Variants in NTM observed in about 807,000 individuals in gnomAD.
The protein encoded by NTM is IgLON family member 2.
NTM carries 13 observed loss-of-function variants against 42.1 expected under a neutral mutation model. The ratio of observed to expected loss-of-function variants is 0.31; its 90% CI spans 0.20 to 0.49. The LOEUF (loss-of-function observed/expected upper bound fraction) is 0.49. Ranked by LOEUF, NTM falls within the 20% of genes least tolerant of loss-of-function variation. The pLI, the probability that NTM is intolerant of heterozygous loss-of-function variation, is 0.99. For synonymous variants in NTM, 187 were observed against 179.2 expected (o/e 1.04, Z -0.35); for missense variants, 373 against 452.8 (o/e 0.82, Z 1.60).
chr11:131,880,112 G>A (rs763943774), intron 1 of NTM, among the ~76,000 whole-genome samples: 14 of 152,164 alleles, frequency 9.2e-5, no homozygotes, highest in Non-Finnish European at 1.6e-4. Context: ...ACACACATGT[G>A]CACACAGCCA....
At chr11:131,653,107 C>T (rs771308509) in intron 1 of NTM, among the ~76,000 whole-genome samples, 1 of 152,240 alleles carries the variant, frequency 6.6e-6, no homozygotes, top group Non-Finnish European at 1.5e-5. Flanking sequence ...ACCAGGTTCC[C>T]ATGGGTGTGC....
intron 1 of NTM, chr11:131,911,096 A>C: frequency 8.7e-7 from 1 of 1,145,770 alleles, no homozygotes; most frequent in Non-Finnish European, 1.1e-6. Flanking sequence ...CCCTTCTGGT[A>C]CCAAAGTGCT....
At chr11:131,818,278 C>T (rs73579945) in intron 1 of NTM, among the ~76,000 whole-genome samples, 22,522 of 152,130 alleles carry the variant, frequency 0.15, 2,849 homozygotes, top group African/African-American at 0.35. Context: ...GACTCGCTCC[C>T]ATTGACTTTG....
intron 1 of NTM, among the ~76,000 whole-genome samples, chr11:131,809,134 G>C (rs1222873340): frequency 6.6e-6 from 1 of 152,188 alleles, no homozygotes; most frequent in East Asian, 1.9e-4. Flanking sequence ...AGATACTAAT[G>C]GATGGACTGA....
intron 1 of NTM, among the ~76,000 whole-genome samples, chr11:131,711,996 G>T (rs537402922): frequency 2.0e-5 from 2 of 98,222 alleles, no homozygotes; most frequent in African/African-American, 3.9e-5. Flanking sequence ...GTGGGGGGAG[G>T]GGGGAGGGAT....
intron 7 of NTM, among the ~76,000 whole-genome samples, chr11:132,320,455 T>A (rs949129976): frequency 6.6e-6 from 1 of 152,184 alleles, no homozygotes; most frequent in Non-Finnish European, 1.5e-5. Flanking sequence ...ACCCGAATAC[T>A]GCGCTTTTCC....
chr11:132,058,090 T>G (rs968200366), intron 2 of NTM, among the ~76,000 whole-genome samples: 3 of 152,182 alleles, frequency 2.0e-5, no homozygotes, highest in Non-Finnish European at 4.4e-5. Flanking sequence ...CTGATTTGAG[T>G]TGTTCTGTCT....
intron 4 of NTM, among the ~76,000 whole-genome samples, chr11:132,248,989 C>G (rs540106397): frequency 6.6e-6 from 1 of 152,196 alleles, no homozygotes. Flanking sequence ...CTGCAGCCTT[C>G]CCTGCCATGG....
intron 4 of NTM, among the ~76,000 whole-genome samples, chr11:132,237,647 A>G (rs370777476): frequency 1.6e-4 from 24 of 151,996 alleles, no homozygotes; most frequent in African/African-American, 4.1e-4. Flanking sequence ...GTGCGTCCCA[A>G]TGCTAGTCCC....
At chr11:132,148,344 G>A (rs1459630215) in intron 3 of NTM, among the ~76,000 whole-genome samples, 4 of 152,228 alleles carry the variant, frequency 2.6e-5, no homozygotes, top group South Asian at 4.1e-4. Context: ...AAAAATGCTT[G>A]AGAATCTCCA....
intron 2 of NTM, among the ~76,000 whole-genome samples, chr11:131,926,572 A>C (rs1189613994): frequency 6.6e-6 from 1 of 152,148 alleles, no homozygotes; most frequent in African/African-American, 2.4e-5. Flanking sequence ...CAGTCAGCAA[A>C]GGGATCTGGG....
At chr11:131,875,266 T>A (rs1433379596) in intron 1 of NTM, among the ~76,000 whole-genome samples, 1 of 152,254 alleles carries the variant, frequency 6.6e-6, no homozygotes, top group Non-Finnish European at 1.5e-5. Context: ...GTAGAGAAAG[T>A]TTCCCTACAC....
At chr11:131,401,799 A>AATATATAC in intron 1 of NTM, among the ~76,000 whole-genome samples, 1 of 34,988 alleles carries the variant, frequency 2.9e-5, no homozygotes, top group Non-Finnish European at 5.1e-5. Context: ...GGCCACTGGA[A>AATATATAC]ATATATATAT....
intron 2 of NTM, among the ~76,000 whole-genome samples, chr11:132,057,214 G>C (rs896502920): frequency 2.0e-5 from 3 of 151,992 alleles, no homozygotes; most frequent in Admixed American, 2.0e-4. Context: ...AAAAGAAAGA[G>C]AACAGACACA....
intron 1 of NTM, among the ~76,000 whole-genome samples, chr11:131,904,591 C>T (rs1462643453): frequency 6.6e-6 from 1 of 152,080 alleles, no homozygotes. Flanking sequence ...CTTGCATGGT[C>T]GAAGAAGCTT....
chr11:132,097,920 C>T (rs1591495382), intron 2 of NTM, among the ~76,000 whole-genome samples: 1 of 152,226 alleles, frequency 6.6e-6, no homozygotes, highest in South Asian at 2.1e-4. Context: ...GCCCGTTTTG[C>T]AATTGAGGCA....
At chr11:131,604,486 T>G (rs2060759929) in intron 1 of NTM, among the ~76,000 whole-genome samples, 1 of 152,116 alleles carries the variant, frequency 6.6e-6, no homozygotes, top group South Asian at 2.1e-4. Flanking sequence ...TTCTTTCACT[T>G]CCTCAATAGT....
chr11:131,654,264 C>A (rs2066884350), intron 1 of NTM, among the ~76,000 whole-genome samples: 1 of 152,206 alleles, frequency 6.6e-6, no homozygotes, highest in South Asian at 2.1e-4. Context: ...GGCTTCCTTT[C>A]CAGGCGCAGC....
chr11:131,521,547 T>G (rs1004569816), intron 1 of NTM, among the ~76,000 whole-genome samples: 5 of 151,332 alleles, frequency 3.3e-5, no homozygotes, highest in Non-Finnish European at 7.4e-5. Context: ...TAGCTGGGAC[T>G]GCAAGGGCCC....
Sources: allele counts gnomAD v4.1 joint callset (sites outside exome capture counted in the v4.1 genomes callset), GRCh38; gene constraint gnomAD v4.1.1; transcripts MANE v1.5; gene names NCBI Gene and HGNC (gene_info 2026-07-23, HGNC 2026-07-21).